The following XKR4 variants were observed in gnomAD, a reference collection of about 807,000 sequenced individuals.
XKR4 encodes the protein XK-related protein 4.
A neutral mutation model predicts 53.9 loss-of-function variants in XKR4; 12 were observed. The ratio of observed to expected loss-of-function variants is 0.22; its 90% CI spans 0.14 to 0.36. The LOEUF (loss-of-function observed/expected upper bound fraction) is 0.36, where lower values mean the gene tolerates loss of function less well. Ranked by LOEUF, XKR4 falls within the 10% of genes least tolerant of loss-of-function variation. The pLI is 1.00. For missense variants in XKR4, 799 were observed against 859.5 expected (o/e 0.93, Z 0.88); for synonymous variants, 354 against 362.4 (o/e 0.98, Z 0.26).
chr8:55,457,146 C>CTTTTCTTTTTTTTTT (rs533607534), intron 2 of XKR4, among the ~76,000 whole-genome samples: 18 of 137,232 alleles, frequency 1.3e-4, no homozygotes, highest in Non-Finnish European at 2.0e-4. Context: ...TTTTCCTTTT[C>CTTTTCTTTTTTTTTT]TTTTTTTTTT....
chr8:55,247,159 G>C (rs1818296236), intron 1 of XKR4, among the ~76,000 whole-genome samples: 1 of 152,162 alleles, frequency 6.6e-6, no homozygotes, highest in South Asian at 2.1e-4. Flanking sequence ...GAATAGCAGG[G>C]GGAGTTCTGA....
intron 1 of XKR4, among the ~76,000 whole-genome samples, chr8:55,291,835 A>G (rs551891803): frequency 6.6e-6 from 1 of 152,280 alleles, no homozygotes; most frequent in South Asian, 2.1e-4. Flanking sequence ...GATACTCCTT[A>G]TCAAGCTGAG....
chr8:55,217,401 C>A (rs1817818616), intron 1 of XKR4, among the ~76,000 whole-genome samples: 1 of 152,082 alleles, frequency 6.6e-6, no homozygotes, highest in Non-Finnish European at 1.5e-5. Context: ...TTGGCAAAAA[C>A]TAAGAAGTCT....
chr8:55,225,098 A>G (rs13253286), intron 1 of XKR4, among the ~76,000 whole-genome samples: 59,345 of 152,114 alleles, frequency 0.39, 12,611 homozygotes, highest in South Asian at 0.51. Context: ...TCCTTAAGCT[A>G]TTCAAGTAAA....
At position 55,102,365 on chromosome 8, in the gene XKR4, C is replaced by A; in HGVS notation, c.-124C>A. On this transcript the variant is annotated 5_prime_UTR_variant, in exon 1 of 3. Coordinates refer to ENST00000327381, the MANE Select transcript of XKR4 (RefSeq NM_052898.2). The surrounding 1 kb of genome is among the most constrained non-coding windows in gnomAD (Gnocchi z 5.1). ...GACGGCAGGCGAGCCGACGCAGGAG[C>A]AGGAGGAGGGGGAGCCGCACCGCCT... 8.4e-7 allele frequency: 1 copy of A among 1,197,576 alleles called. No individual in the cohort carries two copies. Among genetic ancestry groups the A allele is most frequent in the Non-Finnish European group, 1.1e-6 (1 of 952,006 alleles). 74.2% of individuals were successfully genotyped at this position (1,197,576 alleles called of 1,614,324 possible).
chr8:55,316,538 AT>A (rs1819477606), intron 1 of XKR4, among the ~76,000 whole-genome samples: 1 of 152,228 alleles, frequency 6.6e-6, no homozygotes, highest in Admixed American at 6.5e-5. Flanking sequence ...TTGGAAGAAA[AT>A]CACACATTGA....
intron 1 of XKR4, among the ~76,000 whole-genome samples, chr8:55,298,021 T>C (rs1355201539): frequency 6.6e-6 from 1 of 152,212 alleles, no homozygotes; most frequent in African/African-American, 2.4e-5. Context: ...ACATTGCATA[T>C]GATTAGTTAC....
intron 1 of XKR4, among the ~76,000 whole-genome samples, chr8:55,218,451 CT>C (rs1288721319): frequency 6.6e-6 from 1 of 152,162 alleles, no homozygotes; most frequent in Non-Finnish European, 1.5e-5. Flanking sequence ...GACTGAGATA[CT>C]GTCTAATATA....
intron 1 of XKR4, among the ~76,000 whole-genome samples, chr8:55,211,392 A>G (rs1031461007): frequency 6.6e-6 from 1 of 152,234 alleles, no homozygotes; most frequent in Non-Finnish European, 1.5e-5. Flanking sequence ...TGTCAAAATG[A>G]CCATTGCACA....
At chr8:55,178,619 C>T (rs1476916441) in intron 1 of XKR4, among the ~76,000 whole-genome samples, 1 of 152,100 alleles carries the variant, frequency 6.6e-6, no homozygotes, top group Non-Finnish European at 1.5e-5. Flanking sequence ...AAGAGAGACC[C>T]CTGAGCTGAC....
intron 2 of XKR4, among the ~76,000 whole-genome samples, chr8:55,422,194 G>C (rs922846936): frequency 6.6e-6 from 1 of 152,112 alleles, no homozygotes; most frequent in African/African-American, 2.4e-5. Context: ...TAGTAGAATT[G>C]GCAGATATTC....
At chr8:55,153,722 T>A (rs1405946670) in intron 1 of XKR4, among the ~76,000 whole-genome samples, 1 of 152,216 alleles carries the variant, frequency 6.6e-6, no homozygotes, top group Non-Finnish European at 1.5e-5. Context: ...AAGTGCCCAG[T>A]GCTGATATCC....
intron 1 of XKR4, among the ~76,000 whole-genome samples, chr8:55,117,763 C>G (rs1816331036): frequency 6.6e-6 from 1 of 152,070 alleles, no homozygotes; most frequent in Non-Finnish European, 1.5e-5. Context: ...AAGGTTAATC[C>G]AAGACTCACC....
At chr8:55,398,690 G>C (rs1047639402) in intron 2 of XKR4, among the ~76,000 whole-genome samples, 1 of 152,152 alleles carries the variant, frequency 6.6e-6, no homozygotes, top group Non-Finnish European at 1.5e-5. Context: ...ACATCCAGGA[G>C]GAGACAAGAA....
intron 1 of XKR4, among the ~76,000 whole-genome samples, chr8:55,183,738 A>G (rs1294698775): frequency 1.3e-5 from 2 of 152,196 alleles, no homozygotes; most frequent in Non-Finnish European, 2.9e-5. Context: ...CATAAAGGTC[A>G]GTTAGATCAA....
At chr8:55,240,690 C>T (rs937650118) in intron 1 of XKR4, among the ~76,000 whole-genome samples, 2 of 152,194 alleles carry the variant, frequency 1.3e-5, no homozygotes, top group African/African-American at 4.8e-5. Context: ...AATAGCCTCA[C>T]ATCTCTGGAA....
intron 1 of XKR4, among the ~76,000 whole-genome samples, chr8:55,283,676 A>C (rs770034914): frequency 2.2e-4 from 34 of 152,192 alleles, no homozygotes; most frequent in Non-Finnish European, 3.2e-4. Flanking sequence ...TTGAGAAATA[A>C]ACTCCAATAA....
At chr8:55,411,386 C>T (rs1358641584) in intron 2 of XKR4, among the ~76,000 whole-genome samples, 4 of 152,180 alleles carry the variant, frequency 2.6e-5, no homozygotes, top group East Asian at 1.9e-4. Context: ...GCTCAGTGAG[C>T]GTGAGCTTTG....
chr8:55,111,072 A>G (rs1434301320), intron 1 of XKR4, among the ~76,000 whole-genome samples: 1 of 152,150 alleles, frequency 6.6e-6, no homozygotes, highest in African/African-American at 2.4e-5. Flanking sequence ...TTATTTAAAG[A>G]GGCATCTGTC....
Sources: gnomAD v4.1 joint callset for allele counts (sites outside exome capture counted in the v4.1 genomes callset) on GRCh38, gnomAD v4.1.1 for gene constraint, Gnocchi (gnomAD v3.1) non-coding constraint, MANE v1.5 for transcripts, NCBI Gene and HGNC (gene_info 2026-07-23, HGNC 2026-07-21) for gene names.